NRG3: variants seen among roughly 807,000 people sequenced by gnomAD.
The protein encoded by NRG3 is pro-neuregulin-3, membrane-bound isoform.
NRG3 carries 31 observed loss-of-function variants against 66.9 expected under a neutral mutation model. The ratio of observed to expected loss-of-function variants is 0.46; its 90% CI spans 0.35 to 0.63. NRG3 has a LOEUF of 0.63. Ranked by LOEUF, NRG3 falls within the 20% of genes least tolerant of loss-of-function variation. The pLI is 0.00. For synonymous variants in NRG3, 393 were observed against 359.4 expected (o/e 1.09, Z -1.06); for missense variants, 910 against 878.9 (o/e 1.04, Z -0.45).
chr10:82,696,606 G>T (rs1157924794), intron 2 of NRG3, among the ~76,000 whole-genome samples: 3 of 152,102 alleles, frequency 2.0e-5, no homozygotes, highest in African/African-American at 7.2e-5. Context: ...ATTTTCTGAG[G>T]CTCTCCTAGC....
At chr10:82,869,573 T>TTTATTTTATTTTATA in intron 4 of NRG3, among the ~76,000 whole-genome samples, 1 of 70,340 alleles carries the variant, frequency 1.4e-5, no homozygotes, top group South Asian at 4.3e-4. Context: ...TTTTATTTAT[T>TTTATTTTATTTTATA]TTATTTTATT....
chr10:82,189,271 T>G (rs2133327691), intron 1 of NRG3, among the ~76,000 whole-genome samples: 1 of 152,288 alleles, frequency 6.6e-6, no homozygotes, highest in East Asian at 1.9e-4. Flanking sequence ...AAATCAGAGA[T>G]TTTACCAAAA....
intron 2 of NRG3, among the ~76,000 whole-genome samples, chr10:82,712,874 T>C (rs559620861): frequency 7.2e-4 from 110 of 152,064 alleles, no homozygotes; most frequent in African/African-American, 2.4e-3. Flanking sequence ...AATCCCAGCA[T>C]TTTGGAAGGC....
At chr10:82,520,785 C>A (rs1743375022) in intron 2 of NRG3, among the ~76,000 whole-genome samples, 1 of 152,176 alleles carries the variant, frequency 6.6e-6, no homozygotes, top group African/African-American at 2.4e-5. Context: ...TCAGTAGCCT[C>A]TTTTTCCCCT....
intron 3 of NRG3, among the ~76,000 whole-genome samples, chr10:82,822,546 A>G (rs2061998215): frequency 6.6e-6 from 1 of 152,158 alleles, no homozygotes. Context: ...AGGTGATTGC[A>G]GGTGTGATTT....
intron 3 of NRG3, among the ~76,000 whole-genome samples, chr10:82,834,647 C>T (rs1312619728): frequency 6.6e-6 from 1 of 152,172 alleles, no homozygotes; most frequent in African/African-American, 2.4e-5. Context: ...ATACCATCAA[C>T]CACTCAAGGT....
At chr10:82,444,972 A>C (rs1205490959) in intron 2 of NRG3, among the ~76,000 whole-genome samples, 1 of 152,234 alleles carries the variant, frequency 6.6e-6, no homozygotes, top group Non-Finnish European at 1.5e-5. Flanking sequence ...CAGGCTGATC[A>C]AATATTTAAG....
intron 2 of NRG3, among the ~76,000 whole-genome samples, chr10:82,550,821 CATTCTATATCA>C (rs1354240683): frequency 6.6e-6 from 1 of 152,078 alleles, no homozygotes; most frequent in Non-Finnish European, 1.5e-5. Context: ...AGGATGCTAA[CATTCTATATCA>C]GAAAATCCAG....
chr10:82,008,051 G>A (rs1312220967), intron 1 of NRG3, among the ~76,000 whole-genome samples: 1 of 152,170 alleles, frequency 6.6e-6, no homozygotes, highest in South Asian at 2.1e-4. Context: ...GCCAGGCACA[G>A]CTGGTTTTGG....
At chr10:82,127,385 G>A (rs570739414) in intron 1 of NRG3, among the ~76,000 whole-genome samples, 2 of 152,116 alleles carry the variant, frequency 1.3e-5, no homozygotes, top group South Asian at 2.1e-4. Context: ...GTTTTAGAAC[G>A]TGGCAAAACA....
At chr10:82,831,440 A>G (rs993896401) in intron 3 of NRG3, among the ~76,000 whole-genome samples, 26 of 146,256 alleles carry the variant, frequency 1.8e-4, no homozygotes, top group African/African-American at 6.2e-4. Context: ...CTTAATGTAT[A>G]TAGTATCTTA....
chr10:82,619,183 A>G (rs2048868359), intron 2 of NRG3, among the ~76,000 whole-genome samples: 1 of 152,176 alleles, frequency 6.6e-6, no homozygotes, highest in Admixed American at 6.5e-5. Flanking sequence ...AAAATTGGAC[A>G]TATAATATTT....
intron 3 of NRG3, among the ~76,000 whole-genome samples, chr10:82,747,314 C>A (rs547565380): frequency 6.6e-6 from 1 of 151,878 alleles, no homozygotes; most frequent in East Asian, 1.9e-4. Context: ...AGTGGGTTTC[C>A]AATTTTGCCT....
intron 2 of NRG3, among the ~76,000 whole-genome samples, chr10:82,558,570 G>A (rs181732943): frequency 9.9e-5 from 15 of 152,090 alleles, no homozygotes; most frequent in African/African-American, 3.6e-4. Context: ...ATTAAGTACT[G>A]AAATATGGTA....
At chr10:82,286,706 G>C (rs113637596) in intron 1 of NRG3, among the ~76,000 whole-genome samples, 1 of 152,088 alleles carries the variant, frequency 6.6e-6, no homozygotes, top group East Asian at 1.9e-4. Flanking sequence ...TTCTGCCTCA[G>C]CCTCCCAAGT....
chr10:82,085,366 T>C (rs1187235806), intron 1 of NRG3, among the ~76,000 whole-genome samples: 4 of 152,224 alleles, frequency 2.6e-5, no homozygotes, highest in Admixed American at 6.5e-5. Flanking sequence ...GTGGTCTCTT[T>C]TGTGTTGCTA....
At chr10:82,362,687 G>T (rs555834275) in intron 2 of NRG3, among the ~76,000 whole-genome samples, 5 of 150,978 alleles carry the variant, frequency 3.3e-5, no homozygotes, top group Admixed American at 2.0e-4. Context: ...ACTATGCCCA[G>T]CCTGAAAATA....
At chr10:81,918,346 T>A (rs1336707533) in intron 1 of NRG3, among the ~76,000 whole-genome samples, 1 of 152,198 alleles carries the variant, frequency 6.6e-6, no homozygotes, top group Non-Finnish European at 1.5e-5. Flanking sequence ...CAGGCTTGAA[T>A]TCACATATGA....
At chr10:82,797,037 G>C (rs1295538348) in intron 3 of NRG3, among the ~76,000 whole-genome samples, 1 of 152,130 alleles carries the variant, frequency 6.6e-6, no homozygotes, top group Admixed American at 6.6e-5. Context: ...GAGGCAATTA[G>C]AAAAATTAAG....
Sources: allele counts gnomAD v4.1 joint callset (sites outside exome capture counted in the v4.1 genomes callset), GRCh38; gene constraint gnomAD v4.1.1; transcripts MANE v1.5; gene names NCBI Gene and HGNC (gene_info 2026-07-23, HGNC 2026-07-21).